The following BRIP1 variants were observed in gnomAD, a reference collection of about 807,000 sequenced individuals.
BRIP1 encodes Fanconi anemia group J protein.
In BRIP1, 88 loss-of-function variants were observed where a neutral mutation model predicts 119.7. The observed-to-expected ratio is 0.74, with a 90% CI of 0.62 to 0.88. The LOEUF is 0.88. Ranked by LOEUF, BRIP1 falls within the 40% of genes least tolerant of loss-of-function variation. The pLI is 0.00. For synonymous variants in BRIP1, 443 were observed against 496.5 expected (o/e 0.89, Z 1.43); for missense variants, 1,259 against 1,455.4 (o/e 0.87, Z 2.20).
rs758735370 is a variant in BRIP1, at chr17:61,793,690, A to G, written c.1380T>C (p.Asp460=). The G allele has an allele frequency of 6.2e-7, 1 of 1,610,782 alleles. No individual in the cohort carries two copies. The highest frequency in any genetic ancestry group is 1.3e-5 in the African/African-American group (1 of 74,988). ...TCCATATTTTACAAGCTGATTCATAATCTCTTTCTACAAGATATTCAGCGT... is the reference window on the plus strand; with the variant it reads ...TCCATATTTTACAAGCTGATTCATAGTCTCTTTCTACAAGATATTCAGCGT... ...EANAEYLVER[D]YESACKIWSG... The change falls in exon 10 of 20, where the codon GAT becomes GAC. Residue 460 remains aspartate, a synonymous_variant. Transcript: ENST00000259008. The surrounding 1 kb of genome is among the most constrained non-coding windows in gnomAD (Gnocchi z 5.2).
At position 61,808,367 on chromosome 17, in the gene BRIP1, C is replaced by T. The variant is rs953340751; in HGVS notation, c.918+100G>A. The T allele has an allele frequency of 1.3e-5, 16 of 1,263,136 alleles. No individual in the cohort carries two copies. Among genetic ancestry groups the T allele is most frequent in the African/African-American group, 4.5e-5 (3 of 67,048 alleles). 78.2% of individuals were successfully genotyped at this position (1,263,136 alleles called of 1,614,324 possible). The stretch of plus-strand genomic sequence containing the variant: ...AATACTAGCAGTTAATTTGATTTTC[C>T]GAAGTTGATTATCACTAAAATGTAC... On this transcript the variant is annotated intron_variant, in intron 7 of 19. Transcript: ENST00000259008. The surrounding 1 kb of genome is among the most constrained non-coding windows in gnomAD (Gnocchi z 4.1).
rs1010508697 is a variant in BRIP1, at chr17:61,789,026, C to G, written c.1473+4571G>C. Among the ~76,000 whole-genome samples, 3 of 151,908 alleles carry G rather than the reference C, an allele frequency of 2.0e-5. No homozygotes were observed. The highest frequency in any genetic ancestry group is 4.4e-5 in the Non-Finnish European group (3 of 67,968). On this transcript the variant is annotated intron_variant, in intron 10 of 19. Transcript: ENST00000259008. The surrounding 1 kb of genome is among the most constrained non-coding windows in gnomAD (Gnocchi z 4.8). Reference sequence around the variant, plus strand: ...ACAAGAATTGCCTGAACCTGGGAGGCGGAGGTTGCAGTGGGCTGAGATCAC... The same window carrying G: ...ACAAGAATTGCCTGAACCTGGGAGGGGGAGGTTGCAGTGGGCTGAGATCAC...
chr17:61,820,350 A>G (rs1270208636), intron 6 of BRIP1, among the ~76,000 whole-genome samples: 1 of 152,128 alleles, frequency 6.6e-6, no homozygotes, highest in Non-Finnish European at 1.5e-5. Context: ...CCTGCTTCAC[A>G]ATCATGTTTT....
In BRIP1 at chr17:61,807,876, T is replaced by C. The variant is rs2078097431; in HGVS notation, c.918+591A>G. ...GTCTTTAGTAAGAAAGAATTCTCTA[T>C]TTCCACCAAGCCCAAATTCATATTA... On this transcript the variant is annotated intron_variant, in intron 7 of 19. Coordinates refer to ENST00000259008, the MANE Select transcript of BRIP1 (RefSeq NM_032043.3). This position sits in a 1 kb window ranked among gnomAD's most constrained non-coding sequence, Gnocchi z 4.5. Among the ~76,000 whole-genome samples the C allele has an allele frequency of 6.6e-6, 1 of 152,092 alleles. No individual in the cohort carries two copies. Among genetic ancestry groups the C allele is most frequent in the Admixed American group, 6.6e-5 (1 of 15,262 alleles).
rs764768951 is a variant in BRIP1, at chr17:61,825,721, C to T, written c.628-16964G>A. On this transcript the variant is annotated intron_variant, in intron 6 of 19. Coordinates refer to ENST00000259008, the MANE Select transcript of BRIP1 (RefSeq NM_032043.3). The surrounding 1 kb of genome is among the most constrained non-coding windows in gnomAD (Gnocchi z 4.1). The stretch of plus-strand genomic sequence containing the variant: ...AGGTGAAAGATCTCTACAAAGGGAA[C>T]TACAAAGCACTGCTTGAAGAAATCA... 1.3e-5 allele frequency among the ~76,000 whole-genome samples: 2 copies of T among 151,794 alleles called. No homozygotes were observed. The highest frequency in any genetic ancestry group is 2.9e-5 in the Non-Finnish European group (2 of 67,946).
rs1267319225 is a variant in BRIP1, at chr17:61,769,978, GA to G, written c.2097+6422del. Among the ~76,000 whole-genome samples the G allele has an allele frequency of 6.6e-6, 1 of 152,044 alleles. No homozygotes were observed. Among genetic ancestry groups the G allele is most frequent in the Non-Finnish European group, 1.5e-5 (1 of 67,996 alleles). On this transcript the variant is annotated intron_variant, in intron 14 of 19. Transcript: ENST00000259008. The surrounding 1 kb of genome is among the most constrained non-coding windows in gnomAD (Gnocchi z 4.9). ...CCAGGTTCCCACAGTAAAGAGCCAA[GA>G]AAAACCCTACTGTTTCGGGCAGGAG... is the stretch of plus-strand genomic sequence containing the variant.
intron 16 of BRIP1, among the ~76,000 whole-genome samples, chr17:61,718,319 C>A (rs560298907): frequency 6.6e-6 from 1 of 152,198 alleles, no homozygotes; most frequent in Non-Finnish European, 1.5e-5. Flanking sequence ...AGCCTTTAGT[C>A]TAGGGCTAAT....
chr17:61,686,288 G>T lies in BRIP1; in HGVS notation c.2576-123C>A. 1 of 892,744 alleles carries T rather than the reference G, an allele frequency of 1.1e-6. No homozygotes were observed. The highest frequency in any genetic ancestry group is 1.8e-6 in the Non-Finnish European group (1 of 558,694). 55.3% of individuals were successfully genotyped at this position (892,744 alleles called of 1,614,324 possible). A position where few individuals can be genotyped will look rare whatever the true frequency, so the allele number is the denominator to read the frequency against. ...AATTTGTATTTTGAATATACAGAAT[G>T]GTTCTCCATATGTTTTTTCTGCAAT... On this transcript the variant is annotated intron_variant, in intron 18 of 19. Transcript: ENST00000259008. The surrounding 1 kb of genome is among the most constrained non-coding windows in gnomAD (Gnocchi z 5.4).
At position 61,784,164 on chromosome 17, in the gene BRIP1, C is replaced by G. The variant is rs2077665151; in HGVS notation, c.1628+106G>C. On this transcript the variant is annotated intron_variant, in intron 11 of 19. Coordinates refer to ENST00000259008, the MANE Select transcript of BRIP1 (RefSeq NM_032043.3). ...TAATAATATCTATAACACTTGTTTT[C>G]AATTCTCCTATTTACTCACCCAAAA... is the stretch of plus-strand genomic sequence containing the variant. 6.1e-6 allele frequency: 6 copies of G among 980,092 alleles called. No homozygotes were observed. The South Asian group carries it at 9.1e-5, about 15-fold the overall frequency. The allele number at this position is 980,092 out of a possible 1,614,324, so 60.7% of individuals were successfully genotyped here. A position where few individuals can be genotyped will look rare whatever the true frequency, so the allele number is the denominator to read the frequency against.
rs2061301683 is a variant in BRIP1 at position 61,683,477 on chromosome 17, C to T, written c.3569G>A (p.Cys1190Tyr). 1 of 1,613,332 alleles carries T rather than the reference C, an allele frequency of 6.2e-7. No individual in the cohort carries two copies. The highest frequency in any genetic ancestry group is 8.5e-7 in the Non-Finnish European group (1 of 1,179,588). The change falls in exon 20 of 20, where the codon TGC (cysteine) becomes TAC (tyrosine). Residue 1190 changes from cysteine (C) to tyrosine (Y), a missense_variant. By Grantham distance (194) the Cys-to-Tyr change is radical (BLOSUM62 -2). Transcript: ENST00000259008. The surrounding 1 kb of genome is among the most constrained non-coding windows in gnomAD (Gnocchi z 4.7). ...DSAREVKAED[C>Y]IDTKLNGILH... ...AATTCCATTCAACTTTGTATCTATG[C>T]AATCCTCAGCTTTCACTTCTCTGGC...
rs933049932 is a variant in BRIP1, at chr17:61,681,966, G to A, written c.*1330C>T. ...CAAATTACTCACAAAAAGTCCCAAT[G>A]CCCAGTGAATAACAGATGTTTCTTA... On this transcript the variant is annotated 3_prime_UTR_variant, in exon 20 of 20. Coordinates refer to ENST00000259008, the MANE Select transcript of BRIP1 (RefSeq NM_032043.3). The surrounding 1 kb of genome is among the most constrained non-coding windows in gnomAD (Gnocchi z 5.1). 7 of 200,290 alleles carry A rather than the reference G, an allele frequency of 3.5e-5. No individual in the cohort carries two copies. Among genetic ancestry groups the A allele is most frequent in the Non-Finnish European group, 7.2e-5 (7 of 97,388 alleles). 12.4% of individuals were successfully genotyped at this position (200,290 alleles called of 1,614,324 possible). A position where few individuals can be genotyped will look rare whatever the true frequency, so the allele number is the denominator to read the frequency against.
At position 61,825,008 on chromosome 17, in the gene BRIP1, G is replaced by A. The variant is rs1029306185; in HGVS notation, c.628-16251C>T. On this transcript the variant is annotated intron_variant, in intron 6 of 19. Coordinates refer to ENST00000259008, the MANE Select transcript of BRIP1 (RefSeq NM_032043.3). The surrounding 1 kb of genome is among the most constrained non-coding windows in gnomAD (Gnocchi z 4.1). ...CAGCACAAGAAAAGGAAGCCCGGCC[G>A]GGTGCAGTGGCTCACGCCTGTAATC... Among the ~76,000 whole-genome samples, 1 of 152,074 alleles carries A rather than the reference G, an allele frequency of 6.6e-6. No homozygotes were observed. Among genetic ancestry groups the A allele is most frequent in the African/African-American group, 2.4e-5 (1 of 41,416 alleles).
At position 61,704,761 on chromosome 17, in the gene BRIP1, C is replaced by T. The variant is rs1001613426; in HGVS notation, c.2492+11190G>A. On this transcript the variant is annotated intron_variant, in intron 17 of 19. Transcript: ENST00000259008. The surrounding 1 kb of genome is among the most constrained non-coding windows in gnomAD (Gnocchi z 5.7). Reference sequence around the variant, plus strand: ...TCAAATGTATATGTATAGAGTTTTTCGTAGTATTCTCATATTATTCTTTTA... The same window carrying T: ...TCAAATGTATATGTATAGAGTTTTTTGTAGTATTCTCATATTATTCTTTTA... Among the ~76,000 whole-genome samples the T allele has an allele frequency of 1.3e-4, 19 of 151,836 alleles. No homozygotes were observed. Among genetic ancestry groups the T allele is most frequent in the Admixed American group, 5.2e-4 (8 of 15,244 alleles).
chr17:61,766,920 A>C (rs1296823173), intron 14 of BRIP1, among the ~76,000 whole-genome samples: 1 of 152,150 alleles, frequency 6.6e-6, no homozygotes, highest in Non-Finnish European at 1.5e-5. Context: ...AAGAGTTTAG[A>C]AACTCTTCTA....
At chr17:61,790,546 C>CA (rs1191907862) in intron 10 of BRIP1, among the ~76,000 whole-genome samples, 1 of 151,704 alleles carries the variant, frequency 6.6e-6, no homozygotes, top group Admixed American at 6.6e-5. Context: ...AACTCCATCT[C>CA]AAAAAAATAT....
rs1230090267 is a variant in BRIP1, at chr17:61,679,186, T to C, written c.*4110A>G. Among the ~76,000 whole-genome samples, 1 of 152,216 alleles carries C rather than the reference T, an allele frequency of 6.6e-6. No individual in the cohort carries two copies. Among genetic ancestry groups the C allele is most frequent in the Non-Finnish European group, 1.5e-5 (1 of 68,026 alleles). On this transcript the variant is annotated 3_prime_UTR_variant, in exon 20 of 20. Coordinates refer to ENST00000259008, the MANE Select transcript of BRIP1 (RefSeq NM_032043.3). The surrounding 1 kb of genome is among the most constrained non-coding windows in gnomAD (Gnocchi z 4.4). ...AGGAAAGTAATACAAAAAAGTCCAG[T>C]TGCAGAAAAATAACGGGGAAAAGCT...
At chr17:61,791,150 T>G (rs2077809839) in intron 10 of BRIP1, among the ~76,000 whole-genome samples, 1 of 152,110 alleles carries the variant, frequency 6.6e-6, no homozygotes, top group Non-Finnish European at 1.5e-5. Context: ...TCATTTTTTT[T>G]GTTCAAAAAC....
Position 61,801,266 on chromosome 17 carries a change from T to C in BRIP1, c.1127A>G (p.Gln376Arg). The change falls in exon 8 of 20, where the codon CAA (glutamine) becomes CGA (arginine). Residue 376 changes from glutamine (Q) to arginine (R), a missense_variant. Coordinates refer to ENST00000259008, the MANE Select transcript of BRIP1 (RefSeq NM_032043.3). The stretch of plus-strand genomic sequence containing the variant: ...ACATATACTCACACTTTCCCTTATT[T>C]GTGCATCTAGAAGATAGTTGTAGGG... ...FCPYNYLLDA[Q>R]IRESMDLNLK... 1 of 1,612,456 alleles carries C rather than the reference T, an allele frequency of 6.2e-7. No individual in the cohort carries two copies. Among genetic ancestry groups the C allele is most frequent in the South Asian group, 1.1e-5 (1 of 91,052 alleles).
intron 14 of BRIP1, among the ~76,000 whole-genome samples, chr17:61,766,679 T>C (rs146162353): frequency 2.0e-5 from 3 of 152,286 alleles, no homozygotes; most frequent in Admixed American, 6.5e-5. Flanking sequence ...ACAGGAATGT[T>C]TGCATTTTAT....
Sources: gnomAD v4.1 joint callset for allele counts (sites outside exome capture counted in the v4.1 genomes callset) on GRCh38, gnomAD v4.1.1 for gene constraint, Gnocchi (gnomAD v3.1) non-coding constraint, MANE v1.5 for transcripts, NCBI Gene and HGNC (gene_info 2026-07-23, HGNC 2026-07-21) for gene names.